SLC41A2: variants seen among roughly 807,000 people sequenced by gnomAD.
SLC41A2 encodes SLC41A1-like 1.
A neutral mutation model predicts 58.3 loss-of-function variants in SLC41A2; 32 were observed. The ratio of observed to expected loss-of-function variants is 0.55; its 90% CI spans 0.41 to 0.74. The LOEUF (loss-of-function observed/expected upper bound fraction) is 0.74, where lower values mean the gene tolerates loss of function less well. Among genes scored for constraint, SLC41A2 ranks in the 30% least tolerant of loss-of-function variants. SLC41A2 has a pLI of 0.00. For synonymous variants in SLC41A2, 190 were observed against 235.0 expected (o/e 0.81, Z 1.75); for missense variants, 514 against 680.6 (o/e 0.76, Z 2.72).
At chr12:104,858,344 G>A (rs1313930896) in intron 8 of SLC41A2, among the ~76,000 whole-genome samples, 2 of 151,918 alleles carry the variant, frequency 1.3e-5, no homozygotes, top group Non-Finnish European at 1.5e-5. Flanking sequence ...GAATAGACCC[G>A]ATCTGGTTTT....
chr12:104,929,761 G>C (rs928045870), intron 1 of SLC41A2, among the ~76,000 whole-genome samples: 1 of 152,246 alleles, frequency 6.6e-6, no homozygotes, highest in Non-Finnish European at 1.5e-5. Context: ...GATTTGATAA[G>C]GGATGGGTGG....
At chr12:104,825,845 TGG>T (rs2041825137) in intron 10 of SLC41A2, among the ~76,000 whole-genome samples, 1 of 152,206 alleles carries the variant, frequency 6.6e-6, no homozygotes, top group Non-Finnish European at 1.5e-5. Context: ...CCATGCTTTA[TGG>T]CATGAACAGT....
chr12:104,827,275 G>C (rs2041879275), intron 10 of SLC41A2, among the ~76,000 whole-genome samples: 2 of 152,210 alleles, frequency 1.3e-5, no homozygotes, highest in South Asian at 4.1e-4. Flanking sequence ...CCTGGGACCA[G>C]ATAGCACTTT....
chr12:104,815,375 C>T lies in SLC41A2; in HGVS notation c.1537-10038G>A, dbSNP rs182559108. Among the ~76,000 whole-genome samples, 68 of 152,140 alleles carry T rather than the reference C, an allele frequency of 4.5e-4. 1 individual carries two copies. The highest frequency in any genetic ancestry group is 1.6e-3 in the African/African-American group (67 of 41,510). ...TGCATAACCTCTCTAGGTAAATATG[C>T]CTTTTGAAAAGGCAACTTTGTAACC... On this transcript the variant is annotated intron_variant, in intron 10 of 10. Transcript: ENST00000258538.
chr12:104,886,876 T>A (rs958728893), intron 5 of SLC41A2, among the ~76,000 whole-genome samples: 5 of 152,038 alleles, frequency 3.3e-5, no homozygotes, highest in Non-Finnish European at 7.4e-5. Flanking sequence ...TTTGTTTACA[T>A]ATGGCAGCTA....
chr12:104,871,056 C>A (rs1305526686), intron 6 of SLC41A2, among the ~76,000 whole-genome samples: 1 of 152,172 alleles, frequency 6.6e-6, no homozygotes, highest in East Asian at 1.9e-4. Flanking sequence ...AACCAGGTGG[C>A]ATCCTTGTTA....
At chr12:104,851,848 T>C (rs2042812439) in intron 8 of SLC41A2, 1 of 152,202 alleles carries the variant, frequency 6.6e-6, no homozygotes, top group South Asian at 2.1e-4. Flanking sequence ...TAGTGGTTTA[T>C]CAGAACTTAT....
In SLC41A2 at chr12:104,928,317, T is replaced by G. The variant is rs751296260; in HGVS notation, c.211A>C (p.Thr71Pro). The G allele has an allele frequency of 7.4e-6, 12 of 1,613,156 alleles. No individual in the cohort carries two copies. In the African/African-American group the frequency reaches 1.5e-4, roughly 20 times the overall value. The change falls in exon 2 of 11, where the codon ACT becomes CCT. Residue 71 changes from threonine (T) to proline (P), a missense_variant. Physicochemically the swap from Thr to Pro is conservative, Grantham distance 38. Coordinates refer to ENST00000258538, the MANE Select transcript of SLC41A2 (RefSeq NM_001352171.3). ...ANGIWQDGLSTAVQTFSNRSE... is the reference protein window; with the variant it reads ...ANGIWQDGLSPAVQTFSNRSE... ...CTATTACTAAAAGTCTGTACTGCAG[T>G]TGATAATCCATCTTGCCAAATGCCG...
chr12:104,899,795 A>C (rs2045472928), intron 3 of SLC41A2, among the ~76,000 whole-genome samples: 1 of 152,208 alleles, frequency 6.6e-6, no homozygotes, highest in African/African-American at 2.4e-5. Flanking sequence ...TAGGTCACAG[A>C]AGACACTCAG....
At chr12:104,898,008 G>C (rs1203836624) in intron 3 of SLC41A2, among the ~76,000 whole-genome samples, 1 of 152,074 alleles carries the variant, frequency 6.6e-6, no homozygotes. Context: ...ACCTGATGGT[G>C]CCCAGCTAGA....
intron 3 of SLC41A2, among the ~76,000 whole-genome samples, chr12:104,903,912 CCTT>C (rs1433505812): frequency 4.6e-5 from 7 of 152,096 alleles, no homozygotes; most frequent in South Asian, 2.1e-4. Context: ...TCCTGAGACT[CCTT>C]CTCTTAAATA....
chr12:104,940,314 A>ATTATTT (rs2047454776), intron 1 of SLC41A2, among the ~76,000 whole-genome samples: 1 of 128,082 alleles, frequency 7.8e-6, no homozygotes, highest in Non-Finnish European at 1.6e-5. Context: ...GCCCAGCCTT[A>ATTATTT]TTATTTTTAT....
chr12:104,818,855 C>T (rs926479450), intron 10 of SLC41A2, among the ~76,000 whole-genome samples: 2 of 151,092 alleles, frequency 1.3e-5, no homozygotes, highest in African/African-American at 4.9e-5. Context: ...CCAGCCTGGG[C>T]GACAGGGCAA....
chr12:104,810,000 G>A (rs931557021), intron 10 of SLC41A2, among the ~76,000 whole-genome samples: 2 of 152,128 alleles, frequency 1.3e-5, no homozygotes, highest in Non-Finnish European at 2.9e-5. Context: ...TCTGATTGAC[G>A]GAATGCAAAT....
chr12:104,852,748 CTAAT>C (rs937642352), intron 8 of SLC41A2, among the ~76,000 whole-genome samples: 1 of 152,054 alleles, frequency 6.6e-6, no homozygotes, highest in African/African-American at 2.4e-5. Flanking sequence ...ATTGAAGGGG[CTAAT>C]TAAAGTTTTA....
At chr12:104,816,025 G>C (rs1000323053) in intron 10 of SLC41A2, among the ~76,000 whole-genome samples, 1 of 152,062 alleles carries the variant, frequency 6.6e-6, no homozygotes, top group East Asian at 1.9e-4. Context: ...TTTCAGAAGA[G>C]AAAATTTAGA....
At chr12:104,875,241 A>G (rs536784983) in intron 6 of SLC41A2, among the ~76,000 whole-genome samples, 4 of 152,338 alleles carry the variant, frequency 2.6e-5, no homozygotes, top group East Asian at 3.9e-4. Context: ...AGCTGTGTTC[A>G]TCAGAAATAT....
At chr12:104,853,655 C>T (rs1226914765) in intron 8 of SLC41A2, among the ~76,000 whole-genome samples, 1 of 152,044 alleles carries the variant, frequency 6.6e-6, no homozygotes, top group African/African-American at 2.4e-5. Flanking sequence ...GGCTGACGAA[C>T]TCTCTAAATT....
At chr12:104,874,552 C>G (rs1287314991) in intron 6 of SLC41A2, among the ~76,000 whole-genome samples, 1 of 152,068 alleles carries the variant, frequency 6.6e-6, no homozygotes, top group Non-Finnish European at 1.5e-5. Flanking sequence ...AGATAAAGGT[C>G]TAGTTTCATT....
Sources: gnomAD v4.1 joint callset for allele counts (sites outside exome capture counted in the v4.1 genomes callset) on GRCh38, gnomAD v4.1.1 for gene constraint, MANE v1.5 for transcripts, NCBI Gene and HGNC (gene_info 2026-07-23, HGNC 2026-07-21) for gene names.